The following RGPD2 variants were observed in gnomAD, a reference collection of about 807,000 sequenced individuals.
The protein encoded by RGPD2 is RANBP2-like and GRIP domain-containing protein 2.
In RGPD2, 2 loss-of-function variants were observed where a neutral mutation model predicts 36.0. That is an observed-to-expected ratio of 0.06 (90% CI 0.02 to 0.17). The LOEUF (loss-of-function observed/expected upper bound fraction) is 0.17, where lower values mean the gene tolerates loss of function less well. RGPD2 is among the 10% of genes least tolerant of loss of function. The pLI is 1.00. For missense variants in RGPD2, 40 were observed against 464.3 expected, an observed-to-expected ratio of 0.09 and a Z score of 8.40; for synonymous variants, 19 against 163.8, an observed-to-expected ratio of 0.12 and a Z score of 6.75.
At chr2:87,983,267 C>G in the RGPD2 span, among the ~76,000 whole-genome samples, 1 of 152,138 alleles carries the variant, frequency 6.6e-6, no homozygotes, top group African/African-American at 2.4e-5. Flanking sequence ...TTGTAGTGAG[C>G]CAGGATAGCG....
At chr2:87,983,882 A>G in the RGPD2 span, among the ~76,000 whole-genome samples, 20 of 152,278 alleles carry the variant, frequency 1.3e-4, no homozygotes, top group Non-Finnish European at 2.6e-4. Context: ...TGATGCGTGC[A>G]AAGCATTAAG....
At chr2:87,759,008 T>A (rs1465970521) in intron 22 of RGPD2, among the ~76,000 whole-genome samples, 2 of 145,178 alleles carry the variant, frequency 1.4e-5, no homozygotes, top group Admixed American at 1.4e-4. Flanking sequence ...GATCCCAGAA[T>A]TAACCTGATT....
the RGPD2 span, among the ~76,000 whole-genome samples, chr2:87,887,306 T>A: frequency 6.6e-6 from 1 of 151,398 alleles, no homozygotes; most frequent in Non-Finnish European, 1.5e-5. Context: ...TAAAAAACAT[T>A]CGTGTGTTTT....
At chr2:87,961,559 G>T in the RGPD2 span, among the ~76,000 whole-genome samples, 1 of 151,332 alleles carries the variant, frequency 6.6e-6, no homozygotes, top group African/African-American at 2.4e-5. Flanking sequence ...AAAATTACCC[G>T]GGCGTGGAGG....
the RGPD2 span, among the ~76,000 whole-genome samples, chr2:87,906,469 AG>A: frequency 1.6e-5 from 1 of 62,894 alleles, no homozygotes. Flanking sequence ...TTAATGCAAA[AG>A]TTGACTTAGA....
chr2:87,840,393 G>C, the RGPD2 span, among the ~76,000 whole-genome samples: 2 of 145,686 alleles, frequency 1.4e-5, no homozygotes, highest in African/African-American at 5.0e-5. Flanking sequence ...TATTCTCCAA[G>C]AACTTTGAGA....
At chr2:87,985,300 T>C in the RGPD2 span, among the ~76,000 whole-genome samples, 1 of 151,200 alleles carries the variant, frequency 6.6e-6, no homozygotes, top group African/African-American at 2.4e-5. Context: ...TCCCAAGCAA[T>C]ATGTGTGTAA....
the RGPD2 span, among the ~76,000 whole-genome samples, chr2:87,984,363 G>C: frequency 6.6e-6 from 1 of 151,788 alleles, no homozygotes; most frequent in East Asian, 2.0e-4. Context: ...TCGTGAAAAA[G>C]GATGTTTATA....
At chr2:87,960,101 C>G in the RGPD2 span, among the ~76,000 whole-genome samples, 8 of 139,700 alleles carry the variant, frequency 5.7e-5, no homozygotes, top group Non-Finnish European at 4.6e-5. Context: ...AATTCATGAG[C>G]CTTTTAAACA....
At chr2:87,876,439 A>G in the RGPD2 span, among the ~76,000 whole-genome samples, 1 of 152,210 alleles carries the variant, frequency 6.6e-6, no homozygotes, top group Non-Finnish European at 1.5e-5. Flanking sequence ...CTTTATCCTC[A>G]TTAGTTTCAA....
intron 7 of RGPD2, among the ~76,000 whole-genome samples, chr2:87,805,788 A>G (rs1487889971): frequency 1.3e-5 from 2 of 151,848 alleles, no homozygotes; most frequent in African/African-American, 4.8e-5. Flanking sequence ...TGAACTCGGG[A>G]GGTGGAGCTT....
the RGPD2 span, among the ~76,000 whole-genome samples, chr2:87,918,194 C>T: frequency 8.0e-6 from 1 of 125,458 alleles, no homozygotes; most frequent in Non-Finnish European, 1.7e-5. Context: ...TCACACCTTG[C>T]AGAGATAACT....
intron 1 of RGPD2, chr2:87,825,157 G>T (rs1686649598): frequency 5.1e-6 from 2 of 390,854 alleles, no homozygotes; most frequent in African/African-American, 2.1e-5. Context: ...AGGTCTGCCC[G>T]CCGCAGTACT....
At chr2:87,909,300 G>C in the RGPD2 span, among the ~76,000 whole-genome samples, 2 of 141,712 alleles carry the variant, frequency 1.4e-5, no homozygotes, top group African/African-American at 5.3e-5. Context: ...CTAATGCCCT[G>C]TTTCTGCTCT....
chr2:87,934,628 C>A, the RGPD2 span, among the ~76,000 whole-genome samples: 1 of 151,186 alleles, frequency 6.6e-6, no homozygotes, highest in South Asian at 2.1e-4. Context: ...TATACCTCAC[C>A]CAATTGTCAG....
the RGPD2 span, among the ~76,000 whole-genome samples, chr2:87,938,312 A>G: frequency 2.6e-5 from 4 of 151,974 alleles, no homozygotes; most frequent in African/African-American, 7.2e-5. Flanking sequence ...GCTTGGCTTT[A>G]TTTACAACAG....
At chr2:87,970,232 A>G in the RGPD2 span, among the ~76,000 whole-genome samples, 1 of 152,258 alleles carries the variant, frequency 6.6e-6, no homozygotes, top group South Asian at 2.1e-4. Flanking sequence ...TCGGAATTTT[A>G]TGAGGAGGAA....
chr2:87,911,309 T>C, the RGPD2 span, among the ~76,000 whole-genome samples: 2 of 145,662 alleles, frequency 1.4e-5, no homozygotes, highest in Non-Finnish European at 3.0e-5. Context: ...AGAAAATTAA[T>C]GTTTTCTCAA....
the RGPD2 span, among the ~76,000 whole-genome samples, chr2:87,918,706 G>C: frequency 6.6e-6 from 1 of 151,976 alleles, no homozygotes; most frequent in African/African-American, 2.4e-5. Flanking sequence ...CTACTGGAAT[G>C]GTCCACGTCT....
Sources: gnomAD v4.1 joint callset for allele counts (sites outside exome capture counted in the v4.1 genomes callset) on GRCh38, gnomAD v4.1.1 for gene constraint, MANE v1.5 for transcripts, NCBI Gene and HGNC (gene_info 2026-07-23, HGNC 2026-07-21) for gene names.